The following FHIT variants were observed in gnomAD, a reference collection of about 807,000 sequenced individuals.
The protein encoded by FHIT is fragile histidine triad diadenosine triphosphatase.
In FHIT, 19 loss-of-function variants were observed where a neutral mutation model predicts 17.9. That is an observed-to-expected ratio of 1.06 (90% confidence interval 0.74 to 1.56). The LOEUF (loss-of-function observed/expected upper bound fraction) is 1.56, where lower values mean the gene tolerates loss of function less well. Ranked by LOEUF, FHIT falls within the 40% of genes most tolerant of loss-of-function variation. The pLI, the probability that FHIT is intolerant of heterozygous loss-of-function variation, is 0.00. For missense variants in FHIT, 248 were observed against 189.2 expected (o/e 1.31, Z -1.82); for synonymous variants, 81 against 69.7 (o/e 1.16, Z -0.81).
rs201582736 is a variant in FHIT at position 60,364,995 on chromosome 3, T to TTA, written c.103+171863_103+171864dup. Among the ~76,000 whole-genome samples, 860 of 151,982 alleles carry TTA rather than the reference T, an allele frequency of 5.7e-3. 3 individuals are homozygous for TTA. The highest frequency in any genetic ancestry group is 0.017 in the Middle Eastern group (5 of 290). ...TAGATCATGAGACTTCTCGGCCTCCTTAAGTACATGAAACAATTTCATATA... is the reference window on the plus strand; with the variant it reads ...TAGATCATGAGACTTCTCGGCCTCCTTATAAGTACATGAAACAATTTCATATA... On this transcript the variant is annotated intron_variant, in intron 5 of 9. Transcript: ENST00000492590.
Position 59,805,769 on chromosome 3 carries a change from CT to C in FHIT, c.349-53449del, listed in dbSNP as rs546487076. Among the ~76,000 whole-genome samples the C allele has an allele frequency of 1.1e-4, 16 of 152,286 alleles. No homozygotes were observed. In the South Asian group the frequency reaches 3.3e-3, roughly 32 times the overall value. On this transcript the variant is annotated intron_variant, in intron 8 of 9. Coordinates refer to ENST00000492590, the MANE Select transcript of FHIT (RefSeq NM_002012.4). Reference sequence around the variant, plus strand: ...GCCTCTCTGTGCCTCAGTTACCTTACTACAAAATTAGGACTATTCTGAGGCT... The same window carrying C: ...GCCTCTCTGTGCCTCAGTTACCTTACACAAAATTAGGACTATTCTGAGGCT...
chr3:60,980,458 G>C (rs1710446348), intron 3 of FHIT, among the ~76,000 whole-genome samples: 1 of 152,162 alleles, frequency 6.6e-6, no homozygotes, highest in African/African-American at 2.4e-5. Flanking sequence ...TCTGATGTGA[G>C]CCACTTTCTA....
rs1700131401 is a variant in FHIT, at chr3:60,011,379, T to A, written c.271A>T (p.Thr91Ser). ...SMQDGPEAGQ[T>S]VKHVHVHVLP... ...ACATAATAAGCACTCACCTTCACAG[T>A]CTGTCCGGCTTCGGGGCCATCCTAG... is the stretch of plus-strand genomic sequence containing the variant. The change falls in exon 7 of 10, where the codon ACT (threonine) becomes TCT (serine). Residue 91 changes from threonine to serine, a missense_variant. By Grantham distance (58) the Thr-to-Ser change is moderately conservative (BLOSUM62 1). Transcript: ENST00000492590. The A allele has an allele frequency of 1.2e-6, 2 of 1,613,610 alleles. No individual in the cohort carries two copies. The highest frequency in any genetic ancestry group is 1.3e-5 in the African/African-American group (1 of 74,920).
chr3:59,980,625 C>T (rs919604449), intron 7 of FHIT, among the ~76,000 whole-genome samples: 2 of 152,156 alleles, frequency 1.3e-5, no homozygotes, highest in Non-Finnish European at 2.9e-5. Context: ...CTGGAGAAGC[C>T]ATGGCCAGGC....
intron 8 of FHIT, among the ~76,000 whole-genome samples, chr3:59,845,471 G>A (rs78904535): frequency 3.3e-5 from 5 of 151,904 alleles, no homozygotes; most frequent in Non-Finnish European, 4.4e-5. Flanking sequence ...GATATGTTGT[G>A]TTTTTGTTTT....
intron 2 of FHIT, among the ~76,000 whole-genome samples, chr3:61,112,749 C>T (rs1425218540): frequency 1.3e-5 from 2 of 152,128 alleles, no homozygotes; most frequent in Non-Finnish European, 2.9e-5. Context: ...ACACTAAAAC[C>T]AGTCATCATT....
At chr3:60,738,808 C>T (rs2042184717) in intron 4 of FHIT, among the ~76,000 whole-genome samples, 2 of 152,306 alleles carry the variant, frequency 1.3e-5, no homozygotes. Flanking sequence ...GAGGGAGGTT[C>T]CCTGGCAAAG....
intron 5 of FHIT, among the ~76,000 whole-genome samples, chr3:60,133,948 C>A (rs970177248): frequency 2.0e-5 from 3 of 151,412 alleles, no homozygotes; most frequent in African/African-American, 7.3e-5. Context: ...GACTTCGTGC[C>A]AGCTGGAATC....
intron 4 of FHIT, among the ~76,000 whole-genome samples, chr3:60,769,486 A>G (rs781973691): frequency 1.3e-5 from 2 of 152,090 alleles, no homozygotes; most frequent in African/African-American, 2.4e-5. Flanking sequence ...TAAAAGAAAA[A>G]CTTCAGCCGA....
chr3:60,057,930 C>T (rs1702145279), intron 5 of FHIT, among the ~76,000 whole-genome samples: 1 of 152,032 alleles, frequency 6.6e-6, no homozygotes, highest in Non-Finnish European at 1.5e-5. Context: ...CTCATCATCT[C>T]AGTGACTGGT....
chr3:60,557,239 C>A (rs2036772167), intron 4 of FHIT, among the ~76,000 whole-genome samples: 1 of 152,088 alleles, frequency 6.6e-6, no homozygotes, highest in African/African-American at 2.4e-5. Context: ...GTGATGGAGC[C>A]GAGATTTGTA....
At chr3:60,016,706 G>A (rs1266022222) in intron 5 of FHIT, among the ~76,000 whole-genome samples, 1 of 152,152 alleles carries the variant, frequency 6.6e-6, no homozygotes, top group African/African-American at 2.4e-5. Context: ...TCTGCCTCAG[G>A]GTGTTAGATA....
intron 4 of FHIT, among the ~76,000 whole-genome samples, chr3:60,577,090 AAGG>A (rs1411499287): frequency 1.3e-5 from 2 of 152,150 alleles, no homozygotes; most frequent in Non-Finnish European, 2.9e-5. Context: ...AATAAATAAA[AAGG>A]AGGACACTGA....
intron 3 of FHIT, among the ~76,000 whole-genome samples, chr3:60,976,130 G>A (rs551672868): frequency 3.4e-3 from 174 of 51,080 alleles, no homozygotes; most frequent in Non-Finnish European, 5.3e-3. Flanking sequence ...TTTTTGAGAC[G>A]GAGTTTCACT....
intron 7 of FHIT, among the ~76,000 whole-genome samples, chr3:59,980,755 C>G (rs1336066519): frequency 6.6e-6 from 1 of 152,160 alleles, no homozygotes; most frequent in African/African-American, 2.4e-5. Context: ...GGGCATTCAC[C>G]AGACAACAAA....
At chr3:59,930,621 T>C (rs540376474) in intron 7 of FHIT, among the ~76,000 whole-genome samples, 2 of 152,290 alleles carry the variant, frequency 1.3e-5, no homozygotes, top group Admixed American at 1.3e-4. Context: ...GTTTTATCTG[T>C]TTCTATGTTG....
At chr3:59,802,714 T>C (rs1227480369) in intron 8 of FHIT, among the ~76,000 whole-genome samples, 2 of 152,190 alleles carry the variant, frequency 1.3e-5, no homozygotes, top group Non-Finnish European at 2.9e-5. Flanking sequence ...ATTGGTTTGG[T>C]GGTCTCTTCA....
At chr3:60,792,369 CAG>C (rs1265022030) in intron 4 of FHIT, among the ~76,000 whole-genome samples, 72 of 152,266 alleles carry the variant, frequency 4.7e-4, no homozygotes, top group African/African-American at 1.6e-3. Flanking sequence ...CACACTTACA[CAG>C]AGAGAATATG....
At chr3:60,608,192 TCTC>T (rs2038668596) in intron 4 of FHIT, among the ~76,000 whole-genome samples, 2 of 152,186 alleles carry the variant, frequency 1.3e-5, no homozygotes, top group South Asian at 2.1e-4. Flanking sequence ...TCTAATTTTC[TCTC>T]CTTTCTCTCT....
Sources: allele counts gnomAD v4.1 joint callset (sites outside exome capture counted in the v4.1 genomes callset), GRCh38; gene constraint gnomAD v4.1.1; transcripts MANE v1.5; gene names NCBI Gene and HGNC (gene_info 2026-07-23, HGNC 2026-07-21).